C1D: variants seen among roughly 807,000 people sequenced by gnomAD.
C1D encodes the protein nuclear nucleic acid-binding protein C1D.
In C1D, 10 loss-of-function variants were observed where a neutral mutation model predicts 17.5. The observed-to-expected ratio is 0.57, with a 90% confidence interval of 0.35 to 0.97. C1D has a LOEUF of 0.97. C1D is among the 50% of genes least tolerant of loss of function. The pLI is 0.01. For synonymous variants in C1D, 49 were observed against 54.0 expected, an observed-to-expected ratio of 0.91 and a Z score of 0.40; for missense variants, 136 against 160.1, an observed-to-expected ratio of 0.85 and a Z score of 0.81.
At chr2:68,048,731 A>C (rs995209740) in intron 1 of C1D, among the ~76,000 whole-genome samples, 1 of 152,190 alleles carries the variant, frequency 6.6e-6, no homozygotes, top group Non-Finnish European at 1.5e-5. Context: ...CACAGAAAAG[A>C]ACTGATTTCC....
chr2:68,051,752 G>A (rs1671289528), intron 1 of C1D, among the ~76,000 whole-genome samples: 1 of 151,334 alleles, frequency 6.6e-6, no homozygotes, highest in South Asian at 2.1e-4. Context: ...AGCTCATTAT[G>A]TTACCTTCAC....
At position 68,041,890 on chromosome 2, in the gene C1D, G is replaced by C. The variant is rs1159659167; in HGVS notation, c.*999C>G. 3 of 151,994 alleles carry C rather than the reference G, an allele frequency of 2.0e-5. No homozygotes were observed. Among genetic ancestry groups the C allele is most frequent in the Non-Finnish European group, 4.4e-5 (3 of 67,878 alleles). 9.4% of individuals were successfully genotyped at this position (151,994 alleles called of 1,614,324 possible). ...AGACATTTAAAAAAAGGTTTACTAT[G>C]TAGTACTCTCTGTAACTAATATTCC... On this transcript the variant is annotated 3_prime_UTR_variant, in exon 5 of 5. Transcript: ENST00000410067.
At chr2:68,052,519 T>TTA (rs1217588294) in intron 1 of C1D, among the ~76,000 whole-genome samples, 1 of 152,230 alleles carries the variant, frequency 6.6e-6, no homozygotes, top group Non-Finnish European at 1.5e-5. Context: ...ATATTTCCTT[T>TTA]CTTCAGAAGA....
chr2:68,052,687 C>T (rs1170988633), intron 1 of C1D, among the ~76,000 whole-genome samples: 1 of 152,076 alleles, frequency 6.6e-6, no homozygotes, highest in African/African-American at 2.4e-5. Flanking sequence ...CTTGCCTTTT[C>T]CCTAACTAAA....
At position 68,043,047 on chromosome 2, in the gene C1D, T is replaced by C. The variant is rs997028476; in HGVS notation, c.268A>G (p.Ile90Val). The change falls in exon 5 of 5, where the codon ATC becomes GTC. Residue 90 changes from isoleucine to valine, a missense_variant. By Grantham distance (29) the Ile-to-Val change is conservative. Coordinates refer to ENST00000410067, the MANE Select transcript of C1D (RefSeq NM_173177.3). Reference protein sequence around the residue: ...EHPVKQELERIRVYMNRVKEI... With the variant: ...EHPVKQELERVRVYMNRVKEI... ...TTGACTCTGTTCATATATACTCTGA[T>C]TCTTTCCTTAAAGATAAAAAACAAA... 1.3e-5 allele frequency: 20 copies of C among 1,583,198 alleles called. No homozygotes were observed. The highest frequency in any genetic ancestry group is 1.5e-5 in the Non-Finnish European group (18 of 1,168,008).
chr2:68,056,303 C>A (rs894951785), intron 1 of C1D, among the ~76,000 whole-genome samples: 2 of 152,040 alleles, frequency 1.3e-5, no homozygotes, highest in African/African-American at 4.8e-5. Flanking sequence ...CGGGGTTTCA[C>A]CATGTTGGCC....
intron 1 of C1D, among the ~76,000 whole-genome samples, chr2:68,059,538 A>T (rs199854198): frequency 6.6e-6 from 1 of 152,210 alleles, no homozygotes; most frequent in African/African-American, 2.4e-5. Context: ...TAATACAGTT[A>T]TCACACTGGT....
rs761194236 is a variant in C1D at position 68,047,202 on chromosome 2, ACAT to A, written c.106_108del (p.Met36del). On this transcript the variant is annotated inframe_deletion, in exon 2 of 5. Transcript: ENST00000410067. The stretch of plus-strand genomic sequence containing the variant: ...TGCAACAACTCATTTCTAGAAACAG[ACAT>A]CATGGTCTTCAGCATCTCATCCACA... 98 of 1,608,388 alleles carry A rather than the reference ACAT, an allele frequency of 6.1e-5. No individual in the cohort carries two copies. Among genetic ancestry groups the A allele is most frequent in the Non-Finnish European group, 3.7e-5 (44 of 1,178,718 alleles).
Position 68,044,956 on chromosome 2 carries a change from T to C in C1D, c.261+1032A>G, listed in dbSNP as rs181566531. Among the ~76,000 whole-genome samples the C allele has an allele frequency of 3.6e-3, 555 of 152,346 alleles. 2 individuals carry two copies. The highest frequency in any genetic ancestry group is 0.013 in the African/African-American group (541 of 41,588). ...GAAAACAGATGATACAAGCCATCAT[T>C]TTAAAGGTTTAAAGCCGTATCACTG... On this transcript the variant is annotated intron_variant, in intron 4 of 4. Coordinates refer to ENST00000410067, the MANE Select transcript of C1D (RefSeq NM_173177.3).
chr2:68,060,536 C>T (rs530985494), intron 1 of C1D, among the ~76,000 whole-genome samples: 6 of 151,684 alleles, frequency 4.0e-5, no homozygotes, highest in Non-Finnish European at 7.4e-5. Context: ...CCAGCTACTC[C>T]GGAGGCTGAG....
At chr2:68,055,445 C>G (rs890672310) in intron 1 of C1D, among the ~76,000 whole-genome samples, 4 of 150,994 alleles carry the variant, frequency 2.6e-5, no homozygotes, top group African/African-American at 9.8e-5. Flanking sequence ...GATAACTGAC[C>G]AGGTTTCCAT....
At chr2:68,043,316 T>G (rs1671023437) in intron 4 of C1D, among the ~76,000 whole-genome samples, 1 of 152,130 alleles carries the variant, frequency 6.6e-6, no homozygotes. Flanking sequence ...ACTAAGACAT[T>G]ACTCCAGAAA....
In C1D at chr2:68,047,337, C is replaced by A. The variant is rs761754144; in HGVS notation, c.-9-18G>T. On this transcript the variant is annotated intron_variant, in intron 1 of 4. Transcript: ENST00000410067. Reference sequence around the variant, plus strand: ...ATGGCTGACTGGAAAAAATTAAATTCTTTGAATTCATATTAGAGACAGAGC... The same window carrying A: ...ATGGCTGACTGGAAAAAATTAAATTATTTGAATTCATATTAGAGACAGAGC... The A allele has an allele frequency of 9.4e-6, 15 of 1,587,658 alleles. No individual in the cohort carries two copies. The highest frequency in any genetic ancestry group is 1.2e-5 in the Non-Finnish European group (14 of 1,168,166).
chr2:68,062,163 C>T (rs1306025115), intron 1 of C1D, among the ~76,000 whole-genome samples: 3 of 152,018 alleles, frequency 2.0e-5, no homozygotes, highest in African/African-American at 7.3e-5. Flanking sequence ...CTCGTGTACC[C>T]CATAAATATA....
intron 1 of C1D, among the ~76,000 whole-genome samples, chr2:68,060,139 C>A (rs1387698088): frequency 6.6e-6 from 1 of 152,196 alleles, no homozygotes; most frequent in African/African-American, 2.4e-5. Flanking sequence ...TCTTACAATT[C>A]ACTTTCAATC....
At chr2:68,061,242 A>G (rs1161761590) in intron 1 of C1D, among the ~76,000 whole-genome samples, 1 of 152,224 alleles carries the variant, frequency 6.6e-6, no homozygotes, top group Non-Finnish European at 1.5e-5. Flanking sequence ...AAATGTACAC[A>G]CAAGTTCTCA....
At chr2:68,045,824 T>C (rs1671102584) in intron 4 of C1D, among the ~76,000 whole-genome samples, 164 bp downstream of exon 4, 1 of 151,954 alleles carries the variant, frequency 6.6e-6, no homozygotes, top group Non-Finnish European at 1.5e-5. Context: ...ACCAATTATC[T>C]GAAAAAGGTA....
chr2:68,050,927 T>C (rs888976966), intron 1 of C1D, among the ~76,000 whole-genome samples: 12 of 152,194 alleles, frequency 7.9e-5, no homozygotes, highest in Non-Finnish European at 1.3e-4. Flanking sequence ...AACTTTCCAA[T>C]TGTTCAGTCC....
At chr2:68,049,196 CAAAA>C (rs372795126) in intron 1 of C1D, among the ~76,000 whole-genome samples, 1 of 92,472 alleles carries the variant, frequency 1.1e-5, no homozygotes. Context: ...GACTGTCTCT[CAAAA>C]AAAAAAAAAA....
Sources: allele counts gnomAD v4.1 joint callset (sites outside exome capture counted in the v4.1 genomes callset), GRCh38; gene constraint gnomAD v4.1.1; transcripts MANE v1.5; gene names NCBI Gene and HGNC (gene_info 2026-07-23, HGNC 2026-07-21).